PCDHGA10: variants seen among roughly 807,000 people sequenced by gnomAD.
The protein encoded by PCDHGA10 is protocadherin gamma subfamily A, 10.
A neutral mutation model predicts 59.5 loss-of-function variants in PCDHGA10; 42 were observed. The observed-to-expected ratio is 0.71, with a 90% CI of 0.55 to 0.91. The LOEUF (loss-of-function observed/expected upper bound fraction) is 0.91. PCDHGA10 is among the 40% of genes least tolerant of loss of function. The pLI is 0.00. For synonymous variants in PCDHGA10, 511 were observed against 517.2 expected (o/e 0.99, Z 0.16); for missense variants, 1,111 against 1,198.2 (o/e 0.93, Z 1.07).
intron 1 of PCDHGA10, among the ~76,000 whole-genome samples, chr5:141,438,587 CATACATAT>C (rs1166583123): frequency 1.2e-4 from 9 of 73,430 alleles, no homozygotes; most frequent in Non-Finnish European, 1.6e-4. Flanking sequence ...TACATACATA[CATACATAT>C]ATATATATAT....
chr5:141,509,843 C>T (rs1596253565), intron 3 of PCDHGA10, among the ~76,000 whole-genome samples: 1 of 152,178 alleles, frequency 6.6e-6, no homozygotes, highest in African/African-American at 2.4e-5. Context: ...CTCCCATTCA[C>T]TCAGAACAGG....
chr5:141,491,571 C>CT lies in PCDHGA10; in HGVS notation c.2437-3232dup. On this transcript the variant is annotated intron_variant, in intron 1 of 3. Coordinates refer to ENST00000398610, the MANE Select transcript of PCDHGA10 (RefSeq NM_018913.3). The surrounding 1 kb of genome is among the most constrained non-coding windows in gnomAD (Gnocchi z 6.9). ...CGCAGAGCCACTGCTACAGGACGTG[C>CT]TTTTCACCGGCCTCGGACGGCAGTG... 6.2e-7 allele frequency: 1 copy of CT among 1,614,026 alleles called. No homozygotes were observed. Among genetic ancestry groups the CT allele is most frequent in the Non-Finnish European group, 8.5e-7 (1 of 1,180,042 alleles).
intron 1 of PCDHGA10, among the ~76,000 whole-genome samples, chr5:141,437,629 G>A (rs538730617): frequency 6.6e-6 from 1 of 152,284 alleles, no homozygotes; most frequent in Non-Finnish European, 1.5e-5. Flanking sequence ...CATATAAGAT[G>A]TCAGGTTCAG....
chr5:141,468,920 A>G (rs2099185605), intron 1 of PCDHGA10, among the ~76,000 whole-genome samples: 1 of 151,612 alleles, frequency 6.6e-6, no homozygotes, highest in South Asian at 2.1e-4. Context: ...AGAAGAGAAT[A>G]GCACTAAAAT....
At position 141,431,667 on chromosome 5, in the gene PCDHGA10, C is replaced by T. The variant is rs759257105; in HGVS notation, c.2436+16056C>T. ...GATTGTAATTCAGGGACAATATCAA[C>T]AATAGGGGAGTTGGACCACGAGGAG... On this transcript the variant is annotated intron_variant, in intron 1 of 3. Coordinates refer to ENST00000398610, the MANE Select transcript of PCDHGA10 (RefSeq NM_018913.3). This position sits in a 1 kb window ranked among gnomAD's most constrained non-coding sequence, Gnocchi z 4.8. 1 of 1,614,226 alleles carries T rather than the reference C, an allele frequency of 6.2e-7. No individual in the cohort carries two copies. The highest frequency in any genetic ancestry group is 1.3e-5 in the African/African-American group (1 of 75,072).
chr5:141,449,681 G>A (rs2098651836), intron 1 of PCDHGA10, among the ~76,000 whole-genome samples: 1 of 149,394 alleles, frequency 6.7e-6, no homozygotes, highest in Non-Finnish European at 1.5e-5. Context: ...ATGTATATAT[G>A]TTTGTGTGTA....
intron 1 of PCDHGA10, chr5:141,420,276 T>C: frequency 6.6e-7 from 1 of 1,523,250 alleles, no homozygotes; most frequent in Non-Finnish European, 8.9e-7. Context: ...CTTAAACAGG[T>C]AAGTATTTAA....
intron 1 of PCDHGA10, chr5:141,478,378 G>A (rs1454112813): frequency 6.2e-7 from 1 of 1,613,558 alleles, no homozygotes; most frequent in Admixed American, 1.7e-5. Context: ...TGATGTCGCC[G>A]CACCTTTACC....
At position 141,505,479 on chromosome 5, in the gene PCDHGA10, G is replaced by A; in HGVS notation, c.2582G>A (p.Ser861Asn). 1 of 1,614,228 alleles carries A rather than the reference G, an allele frequency of 6.2e-7. No homozygotes were observed. The highest frequency in any genetic ancestry group is 8.5e-7 in the Non-Finnish European group (1 of 1,180,018). Residue 861 changes from serine to asparagine, a missense_variant and splice_region_variant, in exon 3 of 4, where the codon AGT (serine) becomes AAT (asparagine). Ser to Asn is a conservative substitution (Grantham distance 46, BLOSUM62 1). Coordinates refer to ENST00000398610, the MANE Select transcript of PCDHGA10 (RefSeq NM_018913.3). Reference sequence around the variant, plus strand: ...CAAGCCATGATCTTGGCGTCCGCCAGTGGTAAGTGGTGTCAGTGTGTGTAT... The same window carrying A: ...CAAGCCATGATCTTGGCGTCCGCCAATGGTAAGTGGTGTCAGTGTGTGTAT... Reference protein sequence around the residue: ...MLQAMILASASEAADGSSTLG... With the variant: ...MLQAMILASANEAADGSSTLG...
chr5:141,499,414 T>C (rs543824206), intron 2 of PCDHGA10, among the ~76,000 whole-genome samples: 1 of 151,804 alleles, frequency 6.6e-6, no homozygotes, highest in Non-Finnish European at 1.5e-5. Context: ...TATAGAAACA[T>C]GAAAAATAGA....
Position 141,432,205 on chromosome 5 carries a change from A to G in PCDHGA10, c.2436+16594A>G, listed in dbSNP as rs764567227. 1 of 1,614,180 alleles carries G rather than the reference A, an allele frequency of 6.2e-7. No individual in the cohort carries two copies. Among genetic ancestry groups the G allele is most frequent in the South Asian group, 1.1e-5 (1 of 91,074 alleles). On this transcript the variant is annotated intron_variant, in intron 1 of 3. Transcript: ENST00000398610. This position sits in a 1 kb window ranked among gnomAD's most constrained non-coding sequence, Gnocchi z 6.0. The stretch of plus-strand genomic sequence containing the variant: ...TGACCGCCCACGACCCCGACTGTGA[A>G]GAGAACGCCCAGATCACTTATTCCC...
At chr5:141,444,880 G>C (rs527554886) in intron 1 of PCDHGA10, among the ~76,000 whole-genome samples, 5 of 152,268 alleles carry the variant, frequency 3.3e-5, no homozygotes, top group Admixed American at 1.3e-4. Flanking sequence ...AAGCTTGTAG[G>C]ATTTTTGAAT....
intron 1 of PCDHGA10, chr5:141,419,981 AT>A (rs1205154474): frequency 1.2e-6 from 2 of 1,614,052 alleles, no homozygotes; most frequent in Admixed American, 3.3e-5. Flanking sequence ...CCTCGCGGTG[AT>A]TCTAGCTATT....
At chr5:141,428,091 T>C (rs769710543) in intron 1 of PCDHGA10, 2 of 1,609,000 alleles carry the variant, frequency 1.2e-6, no homozygotes, top group East Asian at 2.2e-5. Flanking sequence ...CGCTTGGCTG[T>C]CCTACCACGT....
At chr5:141,456,492 G>C (rs542424798) in intron 1 of PCDHGA10, among the ~76,000 whole-genome samples, 1 of 152,284 alleles carries the variant, frequency 6.6e-6, no homozygotes, top group African/African-American at 2.4e-5. Flanking sequence ...GCTTAATAAA[G>C]GGGTTAACCA....
At chr5:141,456,175 A>G (rs2154565434) in intron 1 of PCDHGA10, among the ~76,000 whole-genome samples, 1 of 151,840 alleles carries the variant, frequency 6.6e-6, no homozygotes, top group East Asian at 1.9e-4. Context: ...GGGATTACAG[A>G]ATAATTTCTT....
intron 1 of PCDHGA10, among the ~76,000 whole-genome samples, chr5:141,449,520 C>T (rs1384869748): frequency 1.4e-5 from 2 of 144,104 alleles, no homozygotes; most frequent in Non-Finnish European, 1.5e-5. Context: ...ACCTGGGAGG[C>T]GGAGGTTGCA....
intron 2 of PCDHGA10, among the ~76,000 whole-genome samples, chr5:141,503,292 A>T (rs7710319): frequency 0.52 from 78,681 of 151,966 alleles, 21,044 homozygotes; most frequent in African/African-American, 0.62. Flanking sequence ...TGGTACATAG[A>T]AATTGCTCAA....
intron 1 of PCDHGA10, among the ~76,000 whole-genome samples, chr5:141,472,994 A>AAAAG (rs1425445230): frequency 1.3e-5 from 2 of 151,692 alleles, no homozygotes; most frequent in Non-Finnish European, 2.9e-5. Context: ...AAAAAAAAAA[A>AAAAG]AAAGAAAGAA....
Sources: allele counts gnomAD v4.1 joint callset (sites outside exome capture counted in the v4.1 genomes callset), GRCh38; gene constraint gnomAD v4.1.1; non-coding constraint Gnocchi (gnomAD v3.1); transcripts MANE v1.5; gene names NCBI Gene and HGNC (gene_info 2026-07-23, HGNC 2026-07-21).